The following IRAG1 variants were observed in gnomAD, a reference collection of about 807,000 sequenced individuals.
IRAG1 encodes inositol 1,4,5-triphosphate receptor associated 1.
Under a neutral mutation model 106.2 loss-of-function variants are expected in IRAG1, and 62 were observed. The ratio of observed to expected loss-of-function variants is 0.58; its 90% confidence interval spans 0.48 to 0.72. The LOEUF (loss-of-function observed/expected upper bound fraction) is 0.72, where lower values mean the gene tolerates loss of function less well. Among genes scored for constraint, IRAG1 ranks in the 30% least tolerant of loss-of-function variants. The probability of loss-of-function intolerance (pLI) is 0.00; values close to 1 mark genes in which losing one functional copy is unlikely to be tolerated. For synonymous variants in IRAG1, 462 were observed against 443.9 expected (o/e 1.04, Z -0.51); for missense variants, 1,064 against 1,140.7 (o/e 0.93, Z 0.97).
chr11:10,688,733 G>A (rs1195677064), intron 1 of IRAG1, among the ~76,000 whole-genome samples: 1 of 152,148 alleles, frequency 6.6e-6, no homozygotes, highest in Non-Finnish European at 1.5e-5. Flanking sequence ...AAGCCGTGGT[G>A]GAATGACCTG....
At chr11:10,606,665 G>A in intron 12 of IRAG1, 77 bp downstream of exon 12, 1 of 1,427,558 alleles carries the variant, frequency 7.0e-7, no homozygotes, top group Non-Finnish European at 9.6e-7. Context: ...CAGAGCTAGA[G>A]TCTGGAGGAA....
chr11:10,652,790 T>A (rs905557389), intron 1 of IRAG1, among the ~76,000 whole-genome samples: 4 of 152,124 alleles, frequency 2.6e-5, no homozygotes, highest in Non-Finnish European at 5.9e-5. Flanking sequence ...GTTTCCTGAC[T>A]TCCTCCCTGA....
chr11:10,578,640 T>C (rs1486232639), intron 20 of IRAG1, among the ~76,000 whole-genome samples: 2 of 152,204 alleles, frequency 1.3e-5, no homozygotes, highest in Non-Finnish European at 2.9e-5. Context: ...GAAATCATGT[T>C]TGAGAGCAGG....
intron 1 of IRAG1, among the ~76,000 whole-genome samples, chr11:10,671,480 G>C (rs979804978): frequency 2.6e-5 from 4 of 152,208 alleles, no homozygotes; most frequent in Admixed American, 1.3e-4. Context: ...GGGAGGCTGA[G>C]GTGGGTGGAT....
At chr11:10,631,513 G>A (rs1226363205) in intron 4 of IRAG1, among the ~76,000 whole-genome samples, 2 of 152,132 alleles carry the variant, frequency 1.3e-5, no homozygotes, top group Non-Finnish European at 2.9e-5. Flanking sequence ...CCAATTATCT[G>A]TTCATTTCTC....
chr11:10,681,667 A>C (rs1490283998), intron 1 of IRAG1, among the ~76,000 whole-genome samples: 1 of 152,210 alleles, frequency 6.6e-6, no homozygotes, highest in Non-Finnish European at 1.5e-5. Context: ...AGAGCACAAC[A>C]TGAGTTGAAG....
intron 1 of IRAG1, among the ~76,000 whole-genome samples, chr11:10,680,388 G>GGAAAGAAAGAAAGAAAGAAAGAAA (rs1861104365): frequency 6.3e-5 from 4 of 63,280 alleles, no homozygotes; most frequent in Non-Finnish European, 1.1e-4. Flanking sequence ...AAGGAAGGAA[G>GGAAAGAAAGAAAGAAAGAAAGAAA]GAAGGAAGGA....
intron 4 of IRAG1, chr11:10,629,966 TA>T: frequency 2.3e-6 from 1 of 433,250 alleles, no homozygotes; most frequent in Non-Finnish European, 4.1e-6. Flanking sequence ...AGAATTTTCC[TA>T]AACTCTGTCA....
intron 1 of IRAG1, 90 bp downstream of exon 1, chr11:10,693,446 T>C (rs1178765488): frequency 6.6e-7 from 1 of 1,515,296 alleles, no homozygotes; most frequent in Admixed American, 2.1e-5. Context: ...AGCACCCCCA[T>C]CCCAGCACCC....
At chr11:10,616,920 ATT>A (rs1278746646) in intron 10 of IRAG1, 1 of 505,956 alleles carries the variant, frequency 2.0e-6, no homozygotes, top group Non-Finnish European at 2.5e-6. Flanking sequence ...CAATGAAAAT[ATT>A]TGTTTCTGAC....
intron 1 of IRAG1, among the ~76,000 whole-genome samples, chr11:10,663,124 A>T (rs921522955): frequency 6.6e-6 from 1 of 152,258 alleles, no homozygotes; most frequent in Non-Finnish European, 1.5e-5. Context: ...CTAGACCACC[A>T]GGAACCAGAA....
chr11:10,643,819 C>G (rs1169165457), intron 2 of IRAG1, among the ~76,000 whole-genome samples: 1 of 152,118 alleles, frequency 6.6e-6, no homozygotes, highest in Non-Finnish European at 1.5e-5. Context: ...AAGGCACAGT[C>G]TGTGGCCCGC....
intron 7 of IRAG1, 54 bp from the exon 8 acceptor site, chr11:10,627,814 C>T: frequency 6.2e-7 from 1 of 1,611,374 alleles, no homozygotes; most frequent in Non-Finnish European, 8.5e-7. Flanking sequence ...ACCGTGTTTC[C>T]TCTTGAAATA....
chr11:10,679,099 T>C (rs113992088), intron 1 of IRAG1, among the ~76,000 whole-genome samples: 4,398 of 152,322 alleles, frequency 0.029, 91 homozygotes, highest in Middle Eastern at 0.051. Flanking sequence ...AAGTTGTGTC[T>C]ATACTGCTCC....
In IRAG1 at chr11:10,603,109, G is replaced by T; in HGVS notation, c.1875+11C>A. The T allele has an allele frequency of 6.2e-7, 1 of 1,607,382 alleles. No homozygotes were observed. The highest frequency in any genetic ancestry group is 8.5e-7 in the Non-Finnish European group (1 of 1,177,494). Reference sequence around the variant, plus strand: ...ACAGAGTTGGCAAGACCGGGGGCTGGAGAGACTCACCTGGCGGACGGCGCC... The same window carrying T: ...ACAGAGTTGGCAAGACCGGGGGCTGTAGAGACTCACCTGGCGGACGGCGCC... On this transcript the variant is annotated intron_variant, in intron 14 of 20. Coordinates refer to ENST00000423302, the MANE Select transcript of IRAG1 (RefSeq NM_130385.4).
At chr11:10,580,214 A>AT (rs1481087997) in intron 20 of IRAG1, among the ~76,000 whole-genome samples, 1 of 151,982 alleles carries the variant, frequency 6.6e-6, no homozygotes, top group Non-Finnish European at 1.5e-5. Flanking sequence ...CTCCCTTCCC[A>AT]TGACTGCCCC....
At position 10,600,998 on chromosome 11, in the gene IRAG1, G is replaced by A. The variant is rs745708546; in HGVS notation, c.1937C>T (p.Thr646Met). The A allele has an allele frequency of 2.4e-5, 38 of 1,613,930 alleles. No individual in the cohort carries two copies. Among genetic ancestry groups the A allele is most frequent in the Non-Finnish European group, 2.8e-5 (33 of 1,179,912 alleles). The change falls in exon 15 of 21, where the codon ACG becomes ATG. Residue 646 changes from threonine to methionine, a missense_variant. Coordinates refer to ENST00000423302, the MANE Select transcript of IRAG1 (RefSeq NM_130385.4). Reference sequence around the variant, plus strand: ...GAGCTCCGCATGGTCCTTCTCATACGTCCTCTTTAGATTCTCCACATACTG... The same window carrying A: ...GAGCTCCGCATGGTCCTTCTCATACATCCTCTTTAGATTCTCCACATACTG... Reference protein sequence around the residue: ...MMQYVENLKRTYEKDHAELME... With the variant: ...MMQYVENLKRMYEKDHAELME...
At chr11:10,689,166 T>C (rs1455338065) in intron 1 of IRAG1, among the ~76,000 whole-genome samples, 1 of 151,566 alleles carries the variant, frequency 6.6e-6, no homozygotes, top group African/African-American at 2.4e-5. Context: ...ATGAAAACGG[T>C]TATTAAACCT....
intron 10 of IRAG1, among the ~76,000 whole-genome samples, chr11:10,622,071 C>T (rs1201094936): frequency 1.3e-5 from 2 of 152,078 alleles, no homozygotes; most frequent in African/African-American, 4.8e-5. Flanking sequence ...TGCCACTGAA[C>T]TGTATACTTA....
Sources: gnomAD v4.1 joint callset for allele counts (sites outside exome capture counted in the v4.1 genomes callset) on GRCh38, gnomAD v4.1.1 for gene constraint, MANE v1.5 for transcripts, NCBI Gene and HGNC (gene_info 2026-07-23, HGNC 2026-07-21) for gene names.